Variants in GDPD4 observed in about 807,000 individuals in gnomAD.
GDPD4 encodes glycerophosphodiester phosphodiesterase 6.
GDPD4 carries 60 observed loss-of-function variants against 67.8 expected under a neutral mutation model. That is an observed-to-expected ratio of 0.88 (90% CI 0.72 to 1.10). The LOEUF (loss-of-function observed/expected upper bound fraction) is 1.10, where lower values mean the gene tolerates loss of function less well. Among genes scored for constraint, GDPD4 ranks in the 50% least tolerant of loss-of-function variants. The pLI, the probability that GDPD4 is intolerant of heterozygous loss-of-function variation, is 0.00. For missense variants in GDPD4, 623 were observed against 613.9 expected (o/e 1.01, Z -0.16); for synonymous variants, 212 against 210.9 (o/e 1.00, Z -0.04).
intron 1 of GDPD4, among the ~76,000 whole-genome samples, chr11:77,290,550 A>G (rs1937738502): frequency 6.6e-6 from 1 of 152,186 alleles, no homozygotes; most frequent in South Asian, 2.1e-4. Context: ...AAGAAGAAAA[A>G]AAAATTATTG....
At chr11:77,276,917 A>G (rs758764090) in intron 4 of GDPD4, among the ~76,000 whole-genome samples, 12 of 150,114 alleles carry the variant, frequency 8.0e-5, no homozygotes, top group South Asian at 4.2e-4. Flanking sequence ...TTCTTATTTG[A>G]AAAAAAAATG....
chr11:77,269,756 T>A, intron 8 of GDPD4, 127 bp downstream of exon 8: 77 of 532,764 alleles, frequency 1.4e-4, no homozygotes, highest in Non-Finnish European at 1.9e-4. Context: ...CTGTACACAA[T>A]GCCTGCGATA....
At chr11:77,268,591 C>T in intron 9 of GDPD4, 52 bp from the exon 10 acceptor site, 1 of 1,386,040 alleles carries the variant, frequency 7.2e-7, no homozygotes, top group Non-Finnish European at 1.0e-6. Context: ...CTCCTCCCAG[C>T]ATTCCTTTTG....
At chr11:77,277,615 T>C (rs947293982) in intron 4 of GDPD4, among the ~76,000 whole-genome samples, 2 of 151,752 alleles carry the variant, frequency 1.3e-5, no homozygotes, top group African/African-American at 2.4e-5. Context: ...CATTTTTTAT[T>C]GTGTCTATTT....
At chr11:77,274,208 GA>G (rs1184866285) in intron 5 of GDPD4, among the ~76,000 whole-genome samples, 1 of 152,084 alleles carries the variant, frequency 6.6e-6, no homozygotes, top group Non-Finnish European at 1.5e-5. Flanking sequence ...TCTTTCCCTA[GA>G]AAAAATCTCA....
intron 2 of GDPD4, among the ~76,000 whole-genome samples, 169 bp from the exon 3 acceptor site, chr11:77,285,356 T>A (rs1304482062): frequency 6.6e-6 from 1 of 152,258 alleles, no homozygotes; most frequent in Non-Finnish European, 1.5e-5. Context: ...TGTATATGCC[T>A]ATTTACAACC....
chr11:77,295,180 G>A (rs2135897459), intron 1 of GDPD4, among the ~76,000 whole-genome samples: 1 of 151,254 alleles, frequency 6.6e-6, no homozygotes, highest in South Asian at 2.1e-4. Context: ...TAGAGATGGG[G>A]TTTCACTGTG....
At chr11:77,248,089 TAGA>T (rs978814507) in intron 11 of GDPD4, among the ~76,000 whole-genome samples, 7 of 126,702 alleles carry the variant, frequency 5.5e-5, no homozygotes, top group Non-Finnish European at 1.0e-4. Flanking sequence ...AAGAAAGAAA[TAGA>T]AGGACAATTA....
chr11:77,248,551 G>C (rs1958826109), intron 11 of GDPD4, among the ~76,000 whole-genome samples: 3 of 151,680 alleles, frequency 2.0e-5, no homozygotes, highest in African/African-American at 7.3e-5. Context: ...ACCATTAATT[G>C]CATTACTATA....
chr11:77,235,833 A>C (rs1958553210), intron 13 of GDPD4, among the ~76,000 whole-genome samples: 1 of 152,116 alleles, frequency 6.6e-6, no homozygotes, highest in African/African-American at 2.4e-5. Flanking sequence ...GCACATGCCT[A>C]TAGTCCTAAC....
At chr11:77,290,616 T>A (rs1937740250) in intron 1 of GDPD4, among the ~76,000 whole-genome samples, 1 of 152,088 alleles carries the variant, frequency 6.6e-6, no homozygotes, top group Non-Finnish European at 1.5e-5. Context: ...GCAAGAGGAA[T>A]GTTGAGAGGG....
intron 10 of GDPD4, 26 bp from the exon 11 acceptor site, chr11:77,258,568 CA>C (rs769279470): frequency 2.5e-6 from 4 of 1,612,466 alleles, no homozygotes; most frequent in Non-Finnish European, 3.4e-6. Flanking sequence ...AAAAGAAGGG[CA>C]GGGGTAGATA....
At chr11:77,262,123 T>A (rs1014553932) in intron 10 of GDPD4, among the ~76,000 whole-genome samples, 1 of 152,230 alleles carries the variant, frequency 6.6e-6, no homozygotes, top group African/African-American at 2.4e-5. Context: ...AAACTCTTAT[T>A]ATTGTCATCT....
chr11:77,232,303 G>C (rs958399418), intron 14 of GDPD4, among the ~76,000 whole-genome samples: 2 of 152,338 alleles, frequency 1.3e-5, no homozygotes, highest in Admixed American at 6.5e-5. Flanking sequence ...CAGGTTTAAA[G>C]AATCAATGCA....
At chr11:77,279,437 G>T (rs777753866) in intron 3 of GDPD4, 38 bp from the exon 4 acceptor site, 1 of 1,253,224 alleles carries the variant, frequency 8.0e-7, no homozygotes, top group East Asian at 2.3e-5. Context: ...AAATAATGCA[G>T]AAATCAGTAG....
At chr11:77,276,308 C>T in intron 4 of GDPD4, 88 bp from the exon 5 acceptor site, 1 of 948,862 alleles carries the variant, frequency 1.1e-6, no homozygotes, top group Non-Finnish European at 1.7e-6. Context: ...AAATTCCGTT[C>T]ACAGTCTAGC....
chr11:77,273,177 C>T (rs1436011536), intron 5 of GDPD4, among the ~76,000 whole-genome samples: 1 of 152,076 alleles, frequency 6.6e-6, no homozygotes, highest in African/African-American at 2.4e-5. Context: ...TGGGTTGATG[C>T]CATTTGCTTC....
At chr11:77,246,391 T>C (rs138636568) in intron 11 of GDPD4, among the ~76,000 whole-genome samples, 3 of 152,340 alleles carry the variant, frequency 2.0e-5, no homozygotes, top group Non-Finnish European at 2.9e-5. Flanking sequence ...CATTCATATA[T>C]AGCTAATGTA....
chr11:77,299,777 G>A (rs1670456), intron 1 of GDPD4, among the ~76,000 whole-genome samples: 32,895 of 152,070 alleles, frequency 0.22, 4,105 homozygotes, highest in Non-Finnish European at 0.27. Context: ...AACAATCAGC[G>A]CAGGTCACCT....
Sources: gnomAD v4.1 joint callset for allele counts (sites outside exome capture counted in the v4.1 genomes callset) on GRCh38, gnomAD v4.1.1 for gene constraint, MANE v1.5 for transcripts, NCBI Gene and HGNC (gene_info 2026-07-23, HGNC 2026-07-21) for gene names.